MVK: variants seen among roughly 807,000 people sequenced by gnomAD.
MVK encodes the protein LH receptor mRNA-binding protein.
In MVK, 34 loss-of-function variants were observed where a neutral mutation model predicts 43.2. That is an observed-to-expected ratio of 0.79 (90% CI 0.60 to 1.05). The LOEUF (loss-of-function observed/expected upper bound fraction) is 1.05, where lower values mean the gene tolerates loss of function less well. Ranked by LOEUF, MVK falls within the 50% of genes least tolerant of loss-of-function variation. MVK has a pLI of 0.00. For synonymous variants in MVK, 190 were observed against 219.8 expected (o/e 0.86, Z 1.20); for missense variants, 395 against 504.0 (o/e 0.78, Z 2.07).
At chr12:109,574,949 T>G (rs952287453) in intron 2 of MVK, 49 bp downstream of exon 2, 6 of 1,547,174 alleles carry the variant, frequency 3.9e-6, no homozygotes, top group Non-Finnish European at 5.3e-6. Flanking sequence ...TTCTCCCTGA[T>G]GCTAATTTTG....
intron 2 of MVK, among the ~76,000 whole-genome samples, chr12:109,575,598 C>T (rs1449448293): frequency 1.3e-5 from 2 of 152,080 alleles, no homozygotes; most frequent in Non-Finnish European, 2.9e-5. Flanking sequence ...TCTGACACTA[C>T]GCTGGTCTCA....
chr12:109,585,293 G>C (rs778631261), intron 5 of MVK, among the ~76,000 whole-genome samples: 3 of 152,170 alleles, frequency 2.0e-5, no homozygotes, highest in Non-Finnish European at 2.9e-5. Flanking sequence ...TCTTCTTAAA[G>C]GCAGGCTTGG....
In MVK at chr12:109,580,440, T is replaced by C. The variant is rs572876405; in HGVS notation, c.371+494T>C. Among the ~76,000 whole-genome samples, 11 of 152,248 alleles carry C rather than the reference T, an allele frequency of 7.2e-5. No individual in the cohort carries two copies. The South Asian group carries it at 1.2e-3, about 17-fold the overall frequency. Reference sequence around the variant, plus strand: ...TTGTTGTTTTTGTTGTTTTTGTTTTTGTCCAGAACCCAAAGGGAAAAAAAC... The same window carrying C: ...TTGTTGTTTTTGTTGTTTTTGTTTTCGTCCAGAACCCAAAGGGAAAAAAAC... On this transcript the variant is annotated intron_variant, in intron 4 of 10. Coordinates refer to ENST00000228510, the MANE Select transcript of MVK (RefSeq NM_000431.4).
At chr12:109,582,124 C>G (rs1193039770) in intron 5 of MVK, among the ~76,000 whole-genome samples, 1 of 152,206 alleles carries the variant, frequency 6.6e-6, no homozygotes, top group African/African-American at 2.4e-5. Flanking sequence ...TCAGTGAGGC[C>G]TGTCCAGACA....
At chr12:109,593,970 G>A (rs983975332) in intron 9 of MVK, among the ~76,000 whole-genome samples, 3 of 151,692 alleles carry the variant, frequency 2.0e-5, no homozygotes, top group Non-Finnish European at 1.5e-5. Flanking sequence ...CACCCGCCTC[G>A]ACCTCCCAAA....
intron 9 of MVK, among the ~76,000 whole-genome samples, chr12:109,594,434 A>G (rs745637874): frequency 6.6e-6 from 1 of 152,206 alleles, no homozygotes; most frequent in Non-Finnish European, 1.5e-5. Context: ...AGGCAGCTGT[A>G]GGGAGGCATG....
At chr12:109,577,682 TG>T (rs140653777) in intron 3 of MVK, among the ~76,000 whole-genome samples, 46,808 of 151,950 alleles carry the variant, frequency 0.31, 7,513 homozygotes, top group African/African-American at 0.4. Flanking sequence ...AGGAGTTTTT[TG>T]TGATGGTGGT....
rs1885213210 is a variant in MVK, at chr12:109,581,457, C to G, written c.434C>G (p.Ser145Cys). Reference sequence around the variant, plus strand: ...CTGCCCCCCGGGGCGGGCTTGGGCTCCAGCGCCGCCTACTCGGTGTGTCTG... The same window carrying G: ...CTGCCCCCCGGGGCGGGCTTGGGCTGCAGCGCCGCCTACTCGGTGTGTCTG... ...SELPPGAGLG[S>C]SAAYSVCLAA... The change falls in exon 5 of 11, where the codon TCC becomes TGC. Residue 145 changes from serine (S) to cysteine (C), a missense_variant. Transcript: ENST00000228510. 5.0e-6 allele frequency: 8 copies of G among 1,614,190 alleles called. No individual in the cohort carries two copies. Among genetic ancestry groups the G allele is most frequent in the Non-Finnish European group, 6.8e-6 (8 of 1,180,026 alleles).
At chr12:109,587,122 G>T (rs1240870483) in intron 7 of MVK, 1 of 376,488 alleles carries the variant, frequency 2.7e-6, no homozygotes, top group Non-Finnish European at 5.1e-6. Context: ...CTGTGTTCCC[G>T]ATGATGCTGC....
rs370301290 is a variant in MVK at position 109,591,348 on chromosome 12, C to G, written c.876C>G (p.Leu292=). 1.2e-6 allele frequency: 2 copies of G among 1,613,932 alleles called. No homozygotes were observed. Among genetic ancestry groups the G allele is most frequent in the Non-Finnish European group, 8.5e-7 (1 of 1,179,954 alleles). The part of the protein sequence containing the change: ...MGEAPAPEQY[L]VLEELIDMNQ... The stretch of plus-strand genomic sequence containing the variant: ...AAGCCCCAGCCCCGGAGCAGTACCT[C>G]GTGCTGGAAGTAAGAGCCTGTCTGC... Residue 292 remains leucine, a synonymous_variant, in exon 9 of 11, where the codon CTC becomes CTG. Coordinates refer to ENST00000228510, the MANE Select transcript of MVK (RefSeq NM_000431.4).
intron 4 of MVK, among the ~76,000 whole-genome samples, 175 bp from the exon 5 acceptor site, chr12:109,581,220 G>A (rs531713996): frequency 6.6e-6 from 1 of 152,300 alleles, no homozygotes; most frequent in African/African-American, 2.4e-5. Flanking sequence ...CTAGTTGTCT[G>A]ATTCAGCATG....
chr12:109,581,576 T>C (rs1593017721), intron 5 of MVK, 26 bp downstream of exon 5: 1 of 1,614,128 alleles, frequency 6.2e-7, no homozygotes, highest in Middle Eastern at 1.6e-4. Context: ...ACCTGGCCAG[T>C]GTCCCTCCCG....
At chr12:109,588,891 GAGGC>G (rs1239816262) in intron 7 of MVK, 5 of 152,348 alleles carry the variant, frequency 3.3e-5, no homozygotes, top group Non-Finnish European at 5.9e-5. Flanking sequence ...GGCAGGGTCA[GAGGC>G]TACAAAGAGA....
At chr12:109,574,978 C>G in intron 2 of MVK, 78 bp downstream of exon 2, 1 of 1,386,524 alleles carries the variant, frequency 7.2e-7, no homozygotes, top group Non-Finnish European at 1.0e-6. Context: ...TAAAAGGACA[C>G]CCTGAGGCAC....
At chr12:109,574,725 G>A in intron 1 of MVK, 84 bp from the exon 2 acceptor site, 1 of 1,155,210 alleles carries the variant, frequency 8.7e-7, no homozygotes, top group Non-Finnish European at 1.3e-6. Context: ...ATTATGATGG[G>A]CTTGAACTAG....
In MVK at chr12:109,590,669, T is replaced by A. The variant is rs895465493; in HGVS notation, c.678-102T>A. On this transcript the variant is annotated intron_variant, in intron 7 of 10. Transcript: ENST00000228510. ...AGTGTCACCTCTTGTGCCTCCCTTCTTCCTCCGTATCAGGGTGGGCGGCTT... is the reference window on the plus strand; with the variant it reads ...AGTGTCACCTCTTGTGCCTCCCTTCATCCTCCGTATCAGGGTGGGCGGCTT... 60 of 1,027,886 alleles carry A rather than the reference T, an allele frequency of 5.8e-5. 1 individual carries two copies. In the South Asian group the frequency reaches 7.7e-4, roughly 13 times the overall value. 63.7% of individuals were successfully genotyped at this position (1,027,886 alleles called of 1,614,324 possible).
chr12:109,580,751 G>C (rs1465403166), intron 4 of MVK, among the ~76,000 whole-genome samples: 1 of 152,202 alleles, frequency 6.6e-6, no homozygotes, highest in Admixed American at 6.5e-5. Flanking sequence ...GTTCTTGCTT[G>C]GGGGAAATAC....
rs104895307 is a variant in MVK, at chr12:109,574,859, A to T, written c.37A>T (p.Lys13Ter). ...SEVLLVSAPG[K>*]VILHGEHAVV... is the part of the protein sequence containing the mutation. ...AGTCCTACTGGTGTCTGCTCCGGGG[A>T]AAGTCATCCTTCATGGAGAACATGC... Residue 13 changes from lysine to a stop codon, truncating the protein, a stop_gained, in exon 2 of 11, where the codon AAA (lysine) becomes TAA (stop). Transcript: ENST00000228510. LOFTEE classifies it high-confidence loss of function. The T allele has an allele frequency of 1.9e-6, 3 of 1,610,088 alleles. No homozygotes were observed. The African/African-American group carries it at 4.0e-5, about 22-fold the overall frequency.
Position 109,581,511 on chromosome 12 carries a change from A to C in MVK, c.488A>C (p.Glu163Ala). The change falls in exon 5 of 11, where the codon GAG becomes GCG. Residue 163 changes from glutamate (E) to alanine (A), a missense_variant. Physicochemically the swap from Glu to Ala is moderately radical, Grantham distance 107. Coordinates refer to ENST00000228510, the MANE Select transcript of MVK (RefSeq NM_000431.4). ...LAAALLTVCE[E>A]IPNPLKDGDC... ...GCAGCCCTCCTGACTGTGTGCGAGG[A>C]GATCCCAAACCCGCTGAAGGACGGG... The C allele has an allele frequency of 6.2e-7, 1 of 1,614,202 alleles. No homozygotes were observed. The highest frequency in any genetic ancestry group is 8.5e-7 in the Non-Finnish European group (1 of 1,180,030).
Sources: gnomAD v4.1 joint callset for allele counts (sites outside exome capture counted in the v4.1 genomes callset) on GRCh38, gnomAD v4.1.1 for gene constraint, MANE v1.5 for transcripts, NCBI Gene and HGNC (gene_info 2026-07-23, HGNC 2026-07-21) for gene names.